The following DAO variants were observed in gnomAD, a reference collection of about 807,000 sequenced individuals.
DAO encodes the protein D-amino acid oxidase, also known as D-amino-acid oxidase.
DAO carries 51 observed loss-of-function variants against 50.1 expected under a neutral mutation model. The ratio of observed to expected loss-of-function variants is 1.02; its 90% confidence interval spans 0.81 to 1.29. The LOEUF is 1.29. DAO is among the 50% of genes most tolerant of loss of function. The probability of loss-of-function intolerance (pLI) is 0.00; values close to 1 mark genes in which losing one functional copy is unlikely to be tolerated. For missense variants in DAO, 436 were observed against 439.4 expected, an observed-to-expected ratio of 0.99 and a Z score of 0.07; for synonymous variants, 160 against 166.2, an observed-to-expected ratio of 0.96 and a Z score of 0.29.
chr12:108,895,343 G>T (rs895521766), intron 7 of DAO, among the ~76,000 whole-genome samples: 1 of 140,364 alleles, frequency 7.1e-6, no homozygotes, highest in Non-Finnish European at 1.5e-5. Context: ...ATGTGTGAGG[G>T]TGTGTGTGCA....
Position 108,893,455 on chromosome 12 carries a change from A to C in DAO, c.507+419A>C, listed in dbSNP as rs562744640. Among the ~76,000 whole-genome samples the C allele has an allele frequency of 2.0e-5, 3 of 152,242 alleles. No individual in the cohort carries two copies. In the South Asian group the frequency reaches 6.2e-4, roughly 32 times the overall value. The stretch of plus-strand genomic sequence containing the variant: ...CACCACCAATAATAATGACAGGAAA[A>C]GCCACCATCTCCAGGCACCAGCAAA... On this transcript the variant is annotated intron_variant, in intron 6 of 10. Transcript: ENST00000228476.
intron 3 of DAO, among the ~76,000 whole-genome samples, chr12:108,888,895 T>C (rs771891765): frequency 7.2e-5 from 11 of 152,192 alleles, no homozygotes; most frequent in Non-Finnish European, 1.0e-4. Flanking sequence ...AACTAAGCTG[T>C]ATGGGTTAAA....
At chr12:108,896,951 G>A in intron 7 of DAO, 55 bp from the exon 8 acceptor site, 2 of 1,349,186 alleles carry the variant, frequency 1.5e-6, no homozygotes, top group South Asian at 1.2e-5. Flanking sequence ...GGGGAGCAAG[G>A]GCAGCCACAT....
chr12:108,885,020 T>C lies in DAO; in HGVS notation c.14T>C (p.Val5Ala), dbSNP rs1593157996. ...CAGGCTGCTGCAATGCGTGTGGTGGTGATTGGAGCAGGAGTCATCGGGCTG... is the reference window on the plus strand; with the variant it reads ...CAGGCTGCTGCAATGCGTGTGGTGGCGATTGGAGCAGGAGTCATCGGGCTG... MRVVVIGAGVIGLST... is the reference protein window; with the variant it reads MRVVAIGAGVIGLST... The change falls in exon 2 of 11, where the codon GTG (valine) becomes GCG (alanine). Residue 5 changes from valine to alanine, a missense_variant. Val to Ala is a moderately conservative substitution (Grantham distance 64). Transcript: ENST00000228476. 1 of 1,614,082 alleles carries C rather than the reference T, an allele frequency of 6.2e-7. No individual in the cohort carries two copies. The highest frequency in any genetic ancestry group is 8.5e-7 in the Non-Finnish European group (1 of 1,180,008).
intron 1 of DAO, among the ~76,000 whole-genome samples, chr12:108,881,451 C>T (rs1039567243): frequency 4.2e-5 from 6 of 143,640 alleles, no homozygotes; most frequent in African/African-American, 1.6e-4. Flanking sequence ...ATGAGGACCT[C>T]ATGCATTTAT....
chr12:108,898,610 G>A (rs1012342294), intron 8 of DAO, 69 bp from the exon 9 acceptor site: 18 of 1,041,814 alleles, frequency 1.7e-5, no homozygotes, highest in Non-Finnish European at 2.3e-5. Flanking sequence ...CAAGGTTGAT[G>A]GTAATGACCT....
intron 2 of DAO, among the ~76,000 whole-genome samples, chr12:108,886,026 A>T (rs2039433043): frequency 6.6e-6 from 1 of 152,230 alleles, no homozygotes. Flanking sequence ...TGCTGGGATT[A>T]CAGGCATGAG....
At chr12:108,886,741 T>C (rs915404984) in intron 2 of DAO, among the ~76,000 whole-genome samples, 12 of 152,196 alleles carry the variant, frequency 7.9e-5, no homozygotes, top group Non-Finnish European at 1.0e-4. Flanking sequence ...GCTGGGATTA[T>C]AGGCATGAGC....
In DAO at chr12:108,893,887, C is replaced by T. The variant is rs150020270; in HGVS notation, c.508-376C>T. On this transcript the variant is annotated intron_variant, in intron 6 of 10. Coordinates refer to ENST00000228476, the MANE Select transcript of DAO (RefSeq NM_001917.5). ...AAAGGAGTCAGAAGGAGAAAGAGAA[C>T]TCTCTCTGCTTCCTTTCTGACTTCT... 1.6e-4 allele frequency among the ~76,000 whole-genome samples: 24 copies of T among 152,264 alleles called. No homozygotes were observed. In the East Asian group the frequency reaches 4.4e-3, roughly 28 times the overall value.
chr12:108,896,557 A>C (rs1252071362), intron 7 of DAO, among the ~76,000 whole-genome samples: 1 of 151,696 alleles, frequency 6.6e-6, no homozygotes, highest in Non-Finnish European at 1.5e-5. Context: ...CTTACCCCTT[A>C]GGGAAGAAAG....
In DAO at chr12:108,895,457, G is replaced by A. The variant is rs530470195; in HGVS notation, c.612+1090G>A. Among the ~76,000 whole-genome samples the A allele has an allele frequency of 4.8e-5, 7 of 144,652 alleles. No individual in the cohort carries two copies. The South Asian group carries it at 8.9e-4, about 18-fold the overall frequency. 94.9% of individuals were successfully genotyped at this position (144,652 alleles called of 152,430 possible). On this transcript the variant is annotated intron_variant, in intron 7 of 10. Coordinates refer to ENST00000228476, the MANE Select transcript of DAO (RefSeq NM_001917.5). Reference sequence around the variant, plus strand: ...CATATGTGTGACGGTGTGTGTGCACGTATGTGGGGGTGATTGTGCATGTAT... The same window carrying A: ...CATATGTGTGACGGTGTGTGTGCACATATGTGGGGGTGATTGTGCATGTAT...
Position 108,880,138 on chromosome 12 carries a change from C to A in DAO, c.-96C>A, listed in dbSNP as rs1277449991. 2.2e-6 allele frequency: 1 copy of A among 456,722 alleles called. No homozygotes were observed. Among genetic ancestry groups the A allele is most frequent in the Non-Finnish European group, 4.4e-6 (1 of 226,964 alleles). 28.3% of individuals were successfully genotyped at this position (456,722 alleles called of 1,614,324 possible). A position where few individuals can be genotyped will look rare whatever the true frequency, so the allele number is the denominator to read the frequency against. On this transcript the variant is annotated 5_prime_UTR_variant, in exon 1 of 11. Transcript: ENST00000228476. ...GACAGAGGGCTGGAAACAAGACGCTCCAGAATCAGGAGCTTCCCCTCAGGA... is the reference window on the plus strand; with the variant it reads ...GACAGAGGGCTGGAAACAAGACGCTACAGAATCAGGAGCTTCCCCTCAGGA...
intron 5 of DAO, among the ~76,000 whole-genome samples, chr12:108,890,796 C>T (rs1033613249): frequency 6.6e-5 from 10 of 152,122 alleles, no homozygotes; most frequent in Non-Finnish European, 1.5e-4. Flanking sequence ...TATTCACATA[C>T]ATTCATATTA....
intron 3 of DAO, among the ~76,000 whole-genome samples, chr12:108,888,092 C>T (rs944919694): frequency 6.6e-6 from 1 of 152,218 alleles, no homozygotes; most frequent in African/African-American, 2.4e-5. Flanking sequence ...AATGGAGTAA[C>T]TTGCCCAAGG....
chr12:108,881,601 ATTTTTTTT>A (rs34780883), intron 1 of DAO, among the ~76,000 whole-genome samples: 6 of 99,208 alleles, frequency 6.0e-5, no homozygotes, highest in Non-Finnish European at 3.9e-5. Context: ...TTCCTTTTAA[ATTTTTTTT>A]TTTTTTTTTT....
chr12:108,894,015 A>G (rs1248209787), intron 6 of DAO, among the ~76,000 whole-genome samples: 1 of 152,152 alleles, frequency 6.6e-6, no homozygotes, highest in South Asian at 2.1e-4. Flanking sequence ...ATGAACAGCC[A>G]TGGGCAGCCT....
chr12:108,887,128 G>T (rs550854589), intron 2 of DAO, among the ~76,000 whole-genome samples: 49 of 152,262 alleles, frequency 3.2e-4, no homozygotes, highest in African/African-American at 1.2e-3. Flanking sequence ...GAACAGTGTG[G>T]CTCATAATCC....
At chr12:108,880,415 G>A (rs939508196) in intron 1 of DAO, 191 bp downstream of exon 1, 5 of 309,242 alleles carry the variant, frequency 1.6e-5, no homozygotes, top group African/African-American at 1.1e-4. Context: ...CCCTCCCCAA[G>A]CCTCAGTTTC....
rs778735604 is a variant in DAO at position 108,885,052 on chromosome 12, G to A, written c.46G>A (p.Ala16Thr). ...AGCAGGAGTCATCGGGCTGTCCACC[G>A]CCCTCTGCATCCATGAGCGCTACCA... Reference protein sequence around the residue: ...IGAGVIGLSTALCIHERYHSV... With the variant: ...IGAGVIGLSTTLCIHERYHSV... The change falls in exon 2 of 11, where the codon GCC (alanine) becomes ACC (threonine). Residue 16 changes from alanine to threonine, a missense_variant. Physicochemically the swap from Ala to Thr is moderately conservative, Grantham distance 58. Coordinates refer to ENST00000228476, the MANE Select transcript of DAO (RefSeq NM_001917.5). 47 of 1,613,986 alleles carry A rather than the reference G, an allele frequency of 2.9e-5. No individual in the cohort carries two copies. The East Asian group carries it at 3.8e-4, about 13-fold the overall frequency.
Sources: allele counts gnomAD v4.1 joint callset (sites outside exome capture counted in the v4.1 genomes callset), GRCh38; gene constraint gnomAD v4.1.1; transcripts MANE v1.5; gene names NCBI Gene and HGNC (gene_info 2026-07-23, HGNC 2026-07-21).